METAP1D: variants seen among roughly 807,000 people sequenced by gnomAD.
The protein encoded by METAP1D is methionyl aminopeptidase type 1D, mitochondrial, also known as methionine aminopeptidase 1D, mitochondrial.
A neutral mutation model predicts 40.5 loss-of-function variants in METAP1D; 31 were observed. The ratio of observed to expected loss-of-function variants is 0.77; its 90% CI spans 0.58 to 1.03. The LOEUF (loss-of-function observed/expected upper bound fraction) is 1.03, where lower values mean the gene tolerates loss of function less well. Among genes scored for constraint, METAP1D ranks in the 50% least tolerant of loss-of-function variants. METAP1D has a pLI of 0.00. For missense variants in METAP1D, 411 were observed against 420.7 expected (o/e 0.98, Z 0.20); for synonymous variants, 151 against 146.4 (o/e 1.03, Z -0.22).
chr2:172,046,235 G>T (rs1689762713), intron 1 of METAP1D, among the ~76,000 whole-genome samples: 1 of 151,332 alleles, frequency 6.6e-6, no homozygotes, highest in African/African-American at 2.4e-5. Flanking sequence ...TGTCATTTGT[G>T]TGAATAGATT....
At chr2:172,020,654 C>T (rs2105395795) in intron 1 of METAP1D, among the ~76,000 whole-genome samples, 1 of 152,260 alleles carries the variant, frequency 6.6e-6, no homozygotes, top group South Asian at 2.1e-4. Context: ...TAGGAGTTTG[C>T]ATTGGTAGGC....
rs1460892870 is a variant in METAP1D, at chr2:172,071,053, A to G, written c.687A>G (p.Val229=). 6.2e-7 allele frequency: 1 copy of G among 1,610,686 alleles called. No individual in the cohort carries two copies. The highest frequency in any genetic ancestry group is 8.5e-7 in the Non-Finnish European group (1 of 1,178,232). Residue 229 remains valine, a synonymous_variant, in exon 6 of 10, where the codon GTA becomes GTG. Transcript: ENST00000315796. ...GCAGAGCAGGGGCTCCCTTCTCTGTAATTGGAAACACAATCAGGTAAGCCT... is the reference window on the plus strand; with the variant it reads ...GCAGAGCAGGGGCTCCCTTCTCTGTGATTGGAAACACAATCAGGTAAGCCT... ...AACRAGAPFS[V]IGNTISHITH... is the part of the protein sequence containing the mutation.
intron 1 of METAP1D, among the ~76,000 whole-genome samples, chr2:172,060,603 T>C (rs961142513): frequency 6.6e-6 from 1 of 152,198 alleles, no homozygotes; most frequent in Admixed American, 6.5e-5. Flanking sequence ...TTCACTTTTT[T>C]CCTAACAGTG....
chr2:172,009,694 A>G (rs1012314355), intron 1 of METAP1D, among the ~76,000 whole-genome samples: 1 of 152,154 alleles, frequency 6.6e-6, no homozygotes, highest in Non-Finnish European at 1.5e-5. Flanking sequence ...GTAAGAGAGG[A>G]TTAACAAGAA....
chr2:172,054,866 A>G (rs1312104290), intron 1 of METAP1D, among the ~76,000 whole-genome samples: 1 of 152,198 alleles, frequency 6.6e-6, no homozygotes, highest in Non-Finnish European at 1.5e-5. Context: ...GTAACACTAA[A>G]AATAATTCTT....
chr2:172,038,015 G>T (rs765990007), intron 1 of METAP1D, among the ~76,000 whole-genome samples: 2 of 152,162 alleles, frequency 1.3e-5, no homozygotes, highest in Non-Finnish European at 2.9e-5. Flanking sequence ...GATTTTCCTG[G>T]GGGTACTCAG....
At chr2:172,061,179 C>A (rs1690132587) in intron 1 of METAP1D, among the ~76,000 whole-genome samples, 1 of 152,170 alleles carries the variant, frequency 6.6e-6, no homozygotes, top group African/African-American at 2.4e-5. Context: ...TGGACATTGC[C>A]ACATAAGGTA....
intron 1 of METAP1D, among the ~76,000 whole-genome samples, chr2:172,048,317 C>G (rs977417550): frequency 6.6e-6 from 1 of 152,226 alleles, no homozygotes; most frequent in African/African-American, 2.4e-5. Context: ...AGAGTGACCT[C>G]CTCCCACAGT....
chr2:172,042,415 A>G (rs1312241644), intron 1 of METAP1D, among the ~76,000 whole-genome samples: 2 of 52,812 alleles, frequency 3.8e-5, no homozygotes, highest in African/African-American at 7.0e-5. Context: ...ATGTATGTGT[A>G]CATGTGTACA....
chr2:172,065,715 T>A lies in METAP1D; in HGVS notation c.460T>A (p.Ser154Thr), dbSNP rs1323921462. Residue 154 changes from serine to threonine, a missense_variant, in exon 4 of 10, where the codon TCT becomes ACT. Transcript: ENST00000315796. ...YGGFPKSVCT[S>T]VNNVLCHGIP... ...AGGTTTTCCAAAATCTGTTTGTACC[T>A]CTGTAAACAACGTGCTCTGTCATGG... 1.9e-6 allele frequency: 3 copies of A among 1,613,952 alleles called. No individual in the cohort carries two copies. The highest frequency in any genetic ancestry group is 2.5e-6 in the Non-Finnish European group (3 of 1,179,908).
At chr2:172,015,686 A>G (rs1016747314) in intron 1 of METAP1D, among the ~76,000 whole-genome samples, 3 of 152,168 alleles carry the variant, frequency 2.0e-5, no homozygotes, top group African/African-American at 7.2e-5. Context: ...GTGGCCAGAC[A>G]TGGTGGCTCA....
chr2:172,007,834 C>T (rs745921095), intron 1 of METAP1D, among the ~76,000 whole-genome samples: 14 of 151,984 alleles, frequency 9.2e-5, no homozygotes, highest in Non-Finnish European at 1.6e-4. Flanking sequence ...AGATTACAGG[C>T]GCATGCCACG....
chr2:172,071,800 A>C (rs1690426996), intron 6 of METAP1D, among the ~76,000 whole-genome samples: 1 of 152,204 alleles, frequency 6.6e-6, no homozygotes, highest in African/African-American at 2.4e-5. Flanking sequence ...AGATGATCAC[A>C]TCAGTGCCCT....
intron 2 of METAP1D, 24 bp from the exon 3 acceptor site, chr2:172,063,687 C>A: frequency 6.3e-7 from 1 of 1,581,308 alleles, no homozygotes; most frequent in African/African-American, 1.3e-5. Context: ...TTCTGATCTT[C>A]GTTTTCAATC....
chr2:172,078,402 G>A (rs1690602842), intron 7 of METAP1D, among the ~76,000 whole-genome samples: 1 of 152,096 alleles, frequency 6.6e-6, no homozygotes. Context: ...AGAATCTCTT[G>A]TTTTTCACTG....
At chr2:172,073,390 AAAAG>A (rs1036159544) in intron 6 of METAP1D, among the ~76,000 whole-genome samples, 1 of 152,174 alleles carries the variant, frequency 6.6e-6, no homozygotes, top group African/African-American at 2.4e-5. Flanking sequence ...CATTAAAAAA[AAAAG>A]AAGAAGAAGA....
At position 172,063,792 on chromosome 2, in the gene METAP1D, A is replaced by C; in HGVS notation, c.280A>C (p.Ile94Leu). ...CATAGAAGTTAAGAATGAAGATCAG[A>C]TTCAAGGGCTTCATCAGGCTTGTCA... ...DSIEVKNEDQ[I>L]QGLHQACQLA... The change falls in exon 3 of 10, where the codon ATT becomes CTT. Residue 94 changes from isoleucine to leucine, a missense_variant. Ile to Leu is a conservative substitution (Grantham distance 5, BLOSUM62 2). Transcript: ENST00000315796. The C allele has an allele frequency of 6.2e-7, 1 of 1,614,130 alleles. No homozygotes were observed. Among genetic ancestry groups the C allele is most frequent in the Non-Finnish European group, 8.5e-7 (1 of 1,180,012 alleles).
At chr2:172,001,431 G>A (rs573316038) in intron 1 of METAP1D, among the ~76,000 whole-genome samples, 2 of 152,180 alleles carry the variant, frequency 1.3e-5, no homozygotes, top group East Asian at 1.9e-4. Flanking sequence ...CCAGCTACTC[G>A]GGAGACTGAG....
chr2:172,045,809 GTGTGTGTGTGTATATATATATATATA>G (rs1248449250), intron 1 of METAP1D, among the ~76,000 whole-genome samples: 20 of 69,958 alleles, frequency 2.9e-4, no homozygotes, highest in African/African-American at 1.0e-3. Context: ...GTGTGTGTGT[GTGTGTGTGTGTATATATATATATATA>G]TATATATATA....
Sources: allele counts gnomAD v4.1 joint callset (sites outside exome capture counted in the v4.1 genomes callset), GRCh38; gene constraint gnomAD v4.1.1; transcripts MANE v1.5; gene names NCBI Gene and HGNC (gene_info 2026-07-23, HGNC 2026-07-21).